Variants in TSPAN13 observed in about 807,000 individuals in gnomAD.
TSPAN13 encodes tetraspanin-13.
Under a neutral mutation model 26.9 loss-of-function variants are expected in TSPAN13, and 18 were observed. The observed-to-expected ratio is 0.67, with a 90% CI of 0.46 to 0.99. TSPAN13 has a LOEUF of 0.99. Ranked by LOEUF, TSPAN13 falls within the 50% of genes least tolerant of loss-of-function variation. The pLI is 0.00. For synonymous variants in TSPAN13, 116 were observed against 98.4 expected (o/e 1.18, Z -1.06); for missense variants, 201 against 249.6 (o/e 0.81, Z 1.31).
intron 1 of TSPAN13, among the ~76,000 whole-genome samples, chr7:16,758,583 T>C (rs1444591065): frequency 6.6e-6 from 1 of 152,200 alleles, no homozygotes; most frequent in Admixed American, 6.5e-5. Context: ...AGAAAACTCG[T>C]ATAAAACAAT....
intron 1 of TSPAN13, among the ~76,000 whole-genome samples, chr7:16,759,394 A>C (rs1486073174): frequency 1.3e-5 from 2 of 152,140 alleles, no homozygotes; most frequent in Non-Finnish European, 2.9e-5. Flanking sequence ...GGGAGGTGCC[A>C]AACGCTTTTA....
At chr7:16,774,422 G>A (rs886614705) in intron 1 of TSPAN13, among the ~76,000 whole-genome samples, 5 of 152,156 alleles carry the variant, frequency 3.3e-5, no homozygotes, top group African/African-American at 4.8e-5. Flanking sequence ...CTCCTGCCAC[G>A]CATCATCCAG....
intron 1 of TSPAN13, among the ~76,000 whole-genome samples, chr7:16,757,751 C>T (rs1451678942): frequency 1.3e-5 from 2 of 152,116 alleles, no homozygotes; most frequent in African/African-American, 4.8e-5. Flanking sequence ...AATTCTCATG[C>T]AGCATAAAAA....
chr7:16,766,936 T>TC (rs1475936314), intron 1 of TSPAN13, among the ~76,000 whole-genome samples: 1 of 152,158 alleles, frequency 6.6e-6, no homozygotes, highest in African/African-American at 2.4e-5. Flanking sequence ...GTGTTTTTTT[T>TC]CTCTCTCTCT....
At chr7:16,774,004 A>C (rs1440289254) in intron 1 of TSPAN13, among the ~76,000 whole-genome samples, 1 of 152,204 alleles carries the variant, frequency 6.6e-6, no homozygotes, top group Non-Finnish European at 1.5e-5. Flanking sequence ...ATGTTGCCGC[A>C]AAAATATTTG....
rs115354470 is a variant in TSPAN13, at chr7:16,771,685, T to G, written c.64-4526T>G. ...ATTCTCCCTCTGGAGCTTTCAGGAGTACAACCTGACCAACACAGCCTCCAG... is the reference window on the plus strand; with the variant it reads ...ATTCTCCCTCTGGAGCTTTCAGGAGGACAACCTGACCAACACAGCCTCCAG... On this transcript the variant is annotated intron_variant, in intron 1 of 5. Transcript: ENST00000262067. Among the ~76,000 whole-genome samples the G allele has an allele frequency of 2.0e-5, 3 of 152,106 alleles. No homozygotes were observed. In the East Asian group the frequency reaches 5.8e-4, roughly 29 times the overall value.
intron 1 of TSPAN13, among the ~76,000 whole-genome samples, chr7:16,759,220 G>C (rs1010611126): frequency 2.1e-4 from 32 of 152,130 alleles, no homozygotes; most frequent in African/African-American, 5.8e-4. Flanking sequence ...TTCTTGCATT[G>C]CTATAAAGAA....
chr7:16,761,690 A>ATTTTTTTTTTTTTTTTTTTTTTTTTTTTT (rs35451307), intron 1 of TSPAN13, among the ~76,000 whole-genome samples: 1 of 93,322 alleles, frequency 1.1e-5, no homozygotes, highest in Non-Finnish European at 2.0e-5. Flanking sequence ...CAGCTAATTA[A>ATTTTTTTTTTTTTTTTTTTTTTTTTTTTT]TTTTTTTTTT....
intron 1 of TSPAN13, among the ~76,000 whole-genome samples, chr7:16,771,282 A>T (rs1017089820): frequency 6.6e-6 from 1 of 152,242 alleles, no homozygotes; most frequent in Admixed American, 6.5e-5. Flanking sequence ...TTTGTAGCTG[A>T]AAGGATTCTG....
rs752370737 is a variant in TSPAN13 at position 16,777,897 on chromosome 7, G to A, written c.412G>A (p.Asp138Asn). 8.7e-6 allele frequency: 14 copies of A among 1,612,486 alleles called. No homozygotes were observed. Among genetic ancestry groups the A allele is most frequent in the Non-Finnish European group, 1.2e-5 (14 of 1,178,890 alleles). ...TGGGTTCCGAAGTGTTAACCCAAAT[G>A]ACACCTGTCTGGCTGTAAGTACATT... ...CCGFRSVNPN[D>N]TCLASCVKSD... The change falls in exon 4 of 6, where the codon GAC becomes AAC. Residue 138 changes from aspartate (D) to asparagine (N), a missense_variant. Coordinates refer to ENST00000262067, the MANE Select transcript of TSPAN13 (RefSeq NM_014399.4).
At chr7:16,762,456 C>T (rs369829849) in intron 1 of TSPAN13, among the ~76,000 whole-genome samples, 9 of 152,052 alleles carry the variant, frequency 5.9e-5, no homozygotes, top group South Asian at 2.1e-4. Context: ...TAACCTCGGG[C>T]GATAATCCAG....
In TSPAN13 at chr7:16,777,144, C is replaced by T. The variant is rs568792538; in HGVS notation, c.312+22C>T. On this transcript the variant is annotated intron_variant, in intron 3 of 5. Coordinates refer to ENST00000262067, the MANE Select transcript of TSPAN13 (RefSeq NM_014399.4). ...ACAGGTAAGCTAAGACTTTTTTCTT[C>T]TACTTTATTATACCACATAGCATGA... 2.6e-6 allele frequency: 4 copies of T among 1,554,442 alleles called. No homozygotes were observed. The South Asian group carries it at 3.3e-5, about 13-fold the overall frequency.
chr7:16,760,937 G>C (rs1460101555), intron 1 of TSPAN13, among the ~76,000 whole-genome samples: 3 of 152,180 alleles, frequency 2.0e-5, no homozygotes, highest in Non-Finnish European at 4.4e-5. Flanking sequence ...GCACAGCCCT[G>C]GCATGTGGTT....
At chr7:16,773,854 T>C (rs1232040021) in intron 1 of TSPAN13, among the ~76,000 whole-genome samples, 1 of 152,232 alleles carries the variant, frequency 6.6e-6, no homozygotes, top group Non-Finnish European at 1.5e-5. Flanking sequence ...AGATACAATG[T>C]AATTCTTCTG....
chr7:16,757,418 G>T (rs1784491401), intron 1 of TSPAN13, among the ~76,000 whole-genome samples: 1 of 152,108 alleles, frequency 6.6e-6, no homozygotes. Flanking sequence ...AATAAAATTT[G>T]TATTAAAATA....
chr7:16,778,943 T>A, intron 4 of TSPAN13, 60 bp from the exon 5 acceptor site: 2 of 1,343,862 alleles, frequency 1.5e-6, no homozygotes, highest in Non-Finnish European at 1.0e-6. Context: ...GTATGCAGTT[T>A]TTATGGGCTT....
intron 5 of TSPAN13, among the ~76,000 whole-genome samples, chr7:16,782,622 T>A (rs1372883707): frequency 6.6e-6 from 1 of 152,228 alleles, no homozygotes; most frequent in Admixed American, 6.5e-5. Context: ...AATGGCACAG[T>A]AACAGCTTCA....
intron 1 of TSPAN13, among the ~76,000 whole-genome samples, chr7:16,757,253 A>G (rs971358801): frequency 6.6e-6 from 1 of 152,182 alleles, no homozygotes; most frequent in Non-Finnish European, 1.5e-5. Flanking sequence ...TTTTGATACC[A>G]TTTAGGATAT....
chr7:16,755,777 A>G (rs1784475485), intron 1 of TSPAN13, among the ~76,000 whole-genome samples: 1 of 152,164 alleles, frequency 6.6e-6, no homozygotes, highest in Non-Finnish European at 1.5e-5. Context: ...TTTAAAATGA[A>G]GTTCCTTGCT....
Sources: allele counts gnomAD v4.1 joint callset (sites outside exome capture counted in the v4.1 genomes callset), GRCh38; gene constraint gnomAD v4.1.1; transcripts MANE v1.5; gene names NCBI Gene and HGNC (gene_info 2026-07-23, HGNC 2026-07-21).